Variants in MOCOS observed in about 807,000 individuals in gnomAD.
MOCOS encodes molybdenum cofactor sulfurase, also known as human molybdenum cofactor sulfurase.
In MOCOS, 86 loss-of-function variants were observed where a neutral mutation model predicts 83.6. The ratio of observed to expected loss-of-function variants is 1.03; its 90% CI spans 0.86 to 1.23. The LOEUF is 1.23. Ranked by LOEUF, MOCOS falls within the 50% of genes most tolerant of loss-of-function variation. The pLI, the probability that MOCOS is intolerant of heterozygous loss-of-function variation, is 0.00. For missense variants in MOCOS, 1,120 were observed against 1,126.9 expected, an observed-to-expected ratio of 0.99 and a Z score of 0.09; for synonymous variants, 445 against 434.7, an observed-to-expected ratio of 1.02 and a Z score of -0.29.
At chr18:36,188,916 TTC>T (rs34349712) in intron 1 of MOCOS, among the ~76,000 whole-genome samples, 124,259 of 147,676 alleles carry the variant, frequency 0.84, 52,482 homozygotes, top group Admixed American at 0.89. Context: ...TTCTTTCGTA[TTC>T]TCTCTCTCTC....
At chr18:36,237,359 C>T (rs1025263049) in intron 9 of MOCOS, among the ~76,000 whole-genome samples, 4 of 151,974 alleles carry the variant, frequency 2.6e-5, no homozygotes, top group Non-Finnish European at 5.9e-5. Flanking sequence ...TGAATTTTGT[C>T]AAAGGCCTTT....
chr18:36,187,754 G>A, intron 1 of MOCOS, 73 bp downstream of exon 1: 1 of 1,237,308 alleles, frequency 8.1e-7, no homozygotes. Flanking sequence ...TGCTCCTAGT[G>A]AGAGCGGCGC....
At chr18:36,196,299 T>A (rs1337277585) in intron 2 of MOCOS, among the ~76,000 whole-genome samples, 2 of 152,232 alleles carry the variant, frequency 1.3e-5, no homozygotes, top group Admixed American at 1.3e-4. Flanking sequence ...TATCAGGTAC[T>A]CGCTATGAGC....
At chr18:36,190,578 G>A (rs540297966) in intron 1 of MOCOS, among the ~76,000 whole-genome samples, 54 of 151,916 alleles carry the variant, frequency 3.6e-4, no homozygotes, top group South Asian at 1.2e-3. Flanking sequence ...GTGAAACCCC[G>A]TCTCTACAAA....
Position 36,251,171 on chromosome 18 carries a change from T to C in MOCOS, c.2052T>C (p.Tyr684=), listed in dbSNP as rs756291958. 6.2e-6 allele frequency: 10 copies of C among 1,613,176 alleles called. No individual in the cohort carries two copies. Among genetic ancestry groups the C allele is most frequent in the African/African-American group, 2.7e-5 (2 of 74,922 alleles). ...SRVCADRVST[Y]DCGEKISSWL... ...TCTCTTTTGCCAGAGTAAGTACTTA[T>C]GATTGTGGAGAAAAAATTTCAAGCT... The change falls in exon 11 of 15, where the codon TAT becomes TAC. Residue 684 remains tyrosine (Y), a synonymous_variant. Coordinates refer to ENST00000261326, the MANE Select transcript of MOCOS (RefSeq NM_017947.4).
intron 1 of MOCOS, among the ~76,000 whole-genome samples, chr18:36,188,916 TTCTC>T (rs34349712): frequency 2.2e-4 from 33 of 147,280 alleles, no homozygotes; most frequent in East Asian, 4.1e-4. Flanking sequence ...TTCTTTCGTA[TTCTC>T]TCTCTCTCTC....
At chr18:36,226,848 C>T (rs1440982712) in intron 9 of MOCOS, among the ~76,000 whole-genome samples, 5 of 150,738 alleles carry the variant, frequency 3.3e-5, no homozygotes, top group Admixed American at 2.6e-4. Context: ...CCATACTTTA[C>T]GTATGGTTGT....
intron 9 of MOCOS, among the ~76,000 whole-genome samples, chr18:36,232,181 C>G (rs1050979563): frequency 6.6e-6 from 1 of 152,078 alleles, no homozygotes; most frequent in Non-Finnish European, 1.5e-5. Flanking sequence ...TGCCATGTTG[C>G]CCAGGCTGGT....
chr18:36,204,974 C>G, intron 5 of MOCOS, 103 bp from the exon 6 acceptor site: 1 of 996,054 alleles, frequency 1.0e-6, no homozygotes, highest in Non-Finnish European at 1.4e-6. Flanking sequence ...GCCTGGGTGA[C>G]AGAGTGAGTG....
chr18:36,215,812 C>T lies in MOCOS; in HGVS notation c.1632C>T (p.Asn544=). 1 of 1,614,232 alleles carries T rather than the reference C, an allele frequency of 6.2e-7. No individual in the cohort carries two copies. The change falls in exon 8 of 15, where the codon AAC becomes AAT. Residue 544 remains asparagine, a synonymous_variant. Coordinates refer to ENST00000261326, the MANE Select transcript of MOCOS (RefSeq NM_017947.4). ...TCACAGGCTCCAGGGTTTGGAACAA[C>T]TCGTCTACTGTGAATGCTGTGCCTG... is the stretch of plus-strand genomic sequence containing the variant. ...DALTGSRVWN[N]SSTVNAVPVA...
At position 36,198,069 on chromosome 18, in the gene MOCOS, A is replaced by T. The variant is rs187970814; in HGVS notation, c.233-621A>T. Among the ~76,000 whole-genome samples, 72 of 152,266 alleles carry T rather than the reference A, an allele frequency of 4.7e-4. No homozygotes were observed. The Middle Eastern group carries it at 0.017, about 36-fold the overall frequency. ...TTTGAAGTTCTTTCATGGCATAGCC[A>T]GTAGTTTGTTCCTTTTTATTGGCAA... On this transcript the variant is annotated intron_variant, in intron 2 of 14. Coordinates refer to ENST00000261326, the MANE Select transcript of MOCOS (RefSeq NM_017947.4).
At chr18:36,234,104 C>T (rs1395525522) in intron 9 of MOCOS, among the ~76,000 whole-genome samples, 3 of 152,162 alleles carry the variant, frequency 2.0e-5, no homozygotes, top group African/African-American at 7.2e-5. Flanking sequence ...GAATTCTTTG[C>T]TTACCGCAAT....
intron 6 of MOCOS, among the ~76,000 whole-genome samples, chr18:36,208,508 C>T (rs2091442597): frequency 6.6e-6 from 1 of 151,802 alleles, no homozygotes; most frequent in African/African-American, 2.4e-5. Context: ...TGTAGATATC[C>T]CCCCTGGTAA....
At chr18:36,205,330 C>T (rs998831894) in intron 6 of MOCOS, 54 bp downstream of exon 6, 45 of 1,554,448 alleles carry the variant, frequency 2.9e-5, no homozygotes, top group African/African-American at 9.5e-5. Flanking sequence ...TAGTTCCAGA[C>T]GAGAGCAATG....
At chr18:36,262,827 G>A (rs1377580789) in intron 13 of MOCOS, among the ~76,000 whole-genome samples, 1 of 152,228 alleles carries the variant, frequency 6.6e-6, no homozygotes, top group African/African-American at 2.4e-5. Context: ...GTAAATGCTT[G>A]GCTGGGCACA....
At chr18:36,267,512 G>A (rs778792610) in intron 14 of MOCOS, among the ~76,000 whole-genome samples, 2 of 152,292 alleles carry the variant, frequency 1.3e-5, no homozygotes, top group East Asian at 3.9e-4. Flanking sequence ...GTTAATTCAT[G>A]GTAAAATGTG....
chr18:36,248,941 GC>G lies in MOCOS; in HGVS notation c.1982del (p.Pro661LeufsTer21). On this transcript the variant is annotated frameshift_variant, in exon 10 of 15. Transcript: ENST00000261326. LOFTEE classifies it high-confidence loss of function. Reference sequence around the variant, plus strand: ...CATTAGGGATGGAGCCTATAGAGGTGCCTCTTGAGGAAAATAGTGAACGGAC... The same window carrying G: ...CATTAGGGATGGAGCCTATAGAGGTGCTCTTGAGGAAAATAGTGAACGGAC... ...KAKGMEPIEV[P>X]LEENSERTQI... 6.2e-7 allele frequency: 1 copy of G among 1,614,076 alleles called. No homozygotes were observed. The highest frequency in any genetic ancestry group is 2.2e-5 in the East Asian group (1 of 44,892).
At chr18:36,255,883 A>C (rs2086267165) in intron 11 of MOCOS, among the ~76,000 whole-genome samples, 1 of 106,248 alleles carries the variant, frequency 9.4e-6, no homozygotes, top group Non-Finnish European at 1.9e-5. Context: ...CCCTTTTAGT[A>C]GTTTTTTTTT....
intron 4 of MOCOS, 127 bp downstream of exon 4, chr18:36,200,451 G>A: frequency 1.6e-6 from 2 of 1,232,310 alleles, no homozygotes; most frequent in Non-Finnish European, 2.3e-6. Context: ...TGCTGGCAGG[G>A]ACAGGCTGAT....
Sources: gnomAD v4.1 joint callset for allele counts (sites outside exome capture counted in the v4.1 genomes callset) on GRCh38, gnomAD v4.1.1 for gene constraint, MANE v1.5 for transcripts, NCBI Gene and HGNC (gene_info 2026-07-23, HGNC 2026-07-21) for gene names.